MTCL2: variants seen among roughly 807,000 people sequenced by gnomAD.
MTCL2 encodes the protein microtubule crosslinking factor 2.
chr20:36,824,684 G>A, the MTCL2 span, among the ~76,000 whole-genome samples: 17 of 150,024 alleles, frequency 1.1e-4, no homozygotes, highest in African/African-American at 3.9e-4. Flanking sequence ...ACAGGGTCTC[G>A]CTCTGTCACC....
the MTCL2 span, among the ~76,000 whole-genome samples, chr20:36,822,188 C>T: frequency 6.6e-6 from 1 of 152,276 alleles, no homozygotes; most frequent in Non-Finnish European, 1.5e-5. Flanking sequence ...GGCCAGGTGG[C>T]TGGGGGGCTG....
the MTCL2 span, among the ~76,000 whole-genome samples, chr20:36,844,880 C>T: frequency 6.6e-6 from 1 of 151,532 alleles, no homozygotes; most frequent in Non-Finnish European, 1.5e-5. Context: ...ATTAGCCAGG[C>T]ATGGTGGCAG....
chr20:36,796,833 G>C, the MTCL2 span: 1 of 1,585,954 alleles, frequency 6.3e-7, no homozygotes, highest in Non-Finnish European at 8.7e-7. Flanking sequence ...GAGGGGCGAG[G>C]CTGTGGGGCC....
the MTCL2 span, chr20:36,808,647 C>A: frequency 1.9e-6 from 3 of 1,612,532 alleles, no homozygotes; most frequent in Non-Finnish European, 2.5e-6. Context: ...ATGTTCTTCT[C>A]CTGGCTCCAG....
the MTCL2 span, among the ~76,000 whole-genome samples, chr20:36,802,152 A>C: frequency 6.6e-6 from 1 of 151,452 alleles, no homozygotes; most frequent in Admixed American, 6.6e-5. Context: ...CGGCTGTGGT[A>C]GCACACGCCT....
At chr20:36,786,194 G>T in the MTCL2 span, 1 of 1,063,600 alleles carries the variant, frequency 9.4e-7, no homozygotes, top group Non-Finnish European at 1.1e-6. Context: ...TTAGGACCCA[G>T]GGATCGGCTC....
At chr20:36,803,081 G>T in the MTCL2 span, 1 of 1,608,082 alleles carries the variant, frequency 6.2e-7, no homozygotes, top group Non-Finnish European at 8.5e-7. Flanking sequence ...CCCGCTCCCC[G>T]GCCCCCTTCC....
chr20:36,810,717 CCTCTCTCTCT>C, the MTCL2 span, among the ~76,000 whole-genome samples: 12 of 94,194 alleles, frequency 1.3e-4, no homozygotes, highest in African/African-American at 2.0e-4. Context: ...TCTCTCTCTC[CCTCTCTCTCT>C]CTCTCTCTCT....
the MTCL2 span, chr20:36,804,723 T>C: frequency 6.2e-7 from 1 of 1,610,548 alleles, no homozygotes; most frequent in Non-Finnish European, 8.5e-7. Context: ...GTCTGACAGG[T>C]GGGGGGCTCA....
chr20:36,834,798 T>TA, the MTCL2 span, among the ~76,000 whole-genome samples: 8 of 152,046 alleles, frequency 5.3e-5, no homozygotes, highest in South Asian at 2.1e-4. Flanking sequence ...GGTCAGGAGT[T>TA]AGAGACCAGC....
the MTCL2 span, chr20:36,793,898 G>T: frequency 1.9e-6 from 3 of 1,550,802 alleles, no homozygotes; most frequent in South Asian, 1.2e-5. The surrounding 1 kb of genome is among the most constrained non-coding windows in gnomAD (Gnocchi z 6.8). Flanking sequence ...GCTGCTGCGG[G>T]GTGGGTCGGT....
At chr20:36,840,950 A>G in the MTCL2 span, among the ~76,000 whole-genome samples, 4 of 151,986 alleles carry the variant, frequency 2.6e-5, no homozygotes, top group African/African-American at 9.7e-5. Context: ...AGCCCCTTCT[A>G]TATACTCTGT....
the MTCL2 span, among the ~76,000 whole-genome samples, chr20:36,848,201 T>A: frequency 3.9e-5 from 6 of 152,086 alleles, no homozygotes; most frequent in African/African-American, 1.4e-4. Flanking sequence ...TGGTCGCAGA[T>A]CCCTATGCCA....
the MTCL2 span, among the ~76,000 whole-genome samples, chr20:36,794,943 C>CT: frequency 0.012 from 1,724 of 145,084 alleles, 18 homozygotes; most frequent in African/African-American, 0.024. This position sits in a 1 kb window ranked among gnomAD's most constrained non-coding sequence, Gnocchi z 5.4. Flanking sequence ...TTTTTTTTTT[C>CT]TTTTTTTTTT....
At chr20:36,816,741 G>A in the MTCL2 span, among the ~76,000 whole-genome samples, 1 of 152,174 alleles carries the variant, frequency 6.6e-6, no homozygotes, top group Non-Finnish European at 1.5e-5. Flanking sequence ...CCCCAAGACA[G>A]GGATAGATAG....
At chr20:36,859,599 T>C in the MTCL2 span, 1 of 1,231,694 alleles carries the variant, frequency 8.1e-7, no homozygotes, top group Non-Finnish European at 1.0e-6. Flanking sequence ...TCCTTCTATC[T>C]TCTCACTGGG....
chr20:36,833,255 G>A, the MTCL2 span, among the ~76,000 whole-genome samples: 1 of 152,216 alleles, frequency 6.6e-6, no homozygotes, highest in Non-Finnish European at 1.5e-5. Context: ...TGGGCTTACT[G>A]TGTCAGGCAT....
At chr20:36,833,870 C>CA in the MTCL2 span, among the ~76,000 whole-genome samples, 2 of 146,896 alleles carry the variant, frequency 1.4e-5, no homozygotes, top group Non-Finnish European at 3.0e-5. Flanking sequence ...AAGAAAGAAA[C>CA]AAAGAAACAA....
At chr20:36,846,963 T>C in the MTCL2 span, among the ~76,000 whole-genome samples, 2 of 152,140 alleles carry the variant, frequency 1.3e-5, no homozygotes, top group Non-Finnish European at 2.9e-5. Context: ...TGAGCTGAGA[T>C]TGCAACAATG....
Sources: allele counts gnomAD v4.1 joint callset (sites outside exome capture counted in the v4.1 genomes callset), GRCh38; gene constraint gnomAD v4.1.1; non-coding constraint Gnocchi (gnomAD v3.1); transcripts MANE v1.5; gene names NCBI Gene and HGNC (gene_info 2026-07-23, HGNC 2026-07-21).